Variants in SPAG16 observed in about 807,000 individuals in gnomAD.
The protein encoded by SPAG16 is sperm associated antigen 16.
Under a neutral mutation model 80.4 loss-of-function variants are expected in SPAG16, and 86 were observed. That is an observed-to-expected ratio of 1.07 (90% CI 0.90 to 1.28). The LOEUF is 1.28. Among genes scored for constraint, SPAG16 ranks in the 50% most tolerant of loss-of-function variants. The pLI, the probability that SPAG16 is intolerant of heterozygous loss-of-function variation, is 0.00. For missense variants in SPAG16, 870 were observed against 765.3 expected (o/e 1.14, Z -1.61); for synonymous variants, 294 against 265.9 (o/e 1.11, Z -1.03).
chr2:214,316,935 G>A lies in SPAG16; in HGVS notation c.1721-93205G>A, dbSNP rs1695739493. 2.0e-5 allele frequency among the ~76,000 whole-genome samples: 3 copies of A among 152,116 alleles called. No homozygotes were observed. The South Asian group carries it at 6.2e-4, about 32-fold the overall frequency. ...AATTTTGCCAGACCCTAGGCCCTTA[G>A]CACTGTGATCCAAATAAGTTAATAA... is the stretch of plus-strand genomic sequence containing the variant. On this transcript the variant is annotated intron_variant, in intron 15 of 15. Transcript: ENST00000331683.
At position 214,081,902 on chromosome 2, in the gene SPAG16, G is replaced by A. The variant is rs181074557; in HGVS notation, c.1528-26294G>A. Among the ~76,000 whole-genome samples the A allele has an allele frequency of 7.9e-4, 120 of 151,888 alleles. 2 individuals are homozygous for A. The highest frequency in any genetic ancestry group is 7.0e-3 in the Admixed American group (107 of 15,260). On this transcript the variant is annotated intron_variant, in intron 13 of 15. Coordinates refer to ENST00000331683, the MANE Select transcript of SPAG16 (RefSeq NM_024532.5). The stretch of plus-strand genomic sequence containing the variant: ...GAGAGGATTCAGGGAAAGAGGGTGG[G>A]GCAAATTGTGACCATCTCTGCCTAA...
chr2:213,913,700 T>G, intron 11 of SPAG16, among the ~76,000 whole-genome samples: 1 of 151,710 alleles, frequency 6.6e-6, no homozygotes, highest in Non-Finnish European at 1.5e-5. Flanking sequence ...CACATACATG[T>G]GTGTATGCAT....
chr2:213,961,473 C>G (rs922121377), intron 12 of SPAG16, among the ~76,000 whole-genome samples: 1 of 151,524 alleles, frequency 6.6e-6, no homozygotes, highest in Non-Finnish European at 1.5e-5. Flanking sequence ...TTGTCTTGCT[C>G]CTTATTTTAG....
At chr2:214,137,737 T>C (rs2055137246) in intron 14 of SPAG16, among the ~76,000 whole-genome samples, 1 of 152,130 alleles carries the variant, frequency 6.6e-6, no homozygotes, top group African/African-American at 2.4e-5. Flanking sequence ...CTTTAAGCAT[T>C]ATTTTCCTCA....
chr2:214,116,893 G>A (rs537934755), intron 14 of SPAG16, among the ~76,000 whole-genome samples: 4 of 152,284 alleles, frequency 2.6e-5, no homozygotes, highest in African/African-American at 9.6e-5. Flanking sequence ...GATAGGCACA[G>A]TAAAGCCAGA....
intron 15 of SPAG16, among the ~76,000 whole-genome samples, chr2:214,390,476 C>G (rs1393228733): frequency 6.6e-6 from 1 of 152,156 alleles, no homozygotes. Context: ...TCTTCTACAC[C>G]ACTCAGCTCC....
chr2:213,668,739 C>T (rs2063707704), intron 10 of SPAG16, among the ~76,000 whole-genome samples: 1 of 152,090 alleles, frequency 6.6e-6, no homozygotes, highest in African/African-American at 2.4e-5. Flanking sequence ...ACCTCCACCT[C>T]CCGGGTTCAA....
intron 10 of SPAG16, among the ~76,000 whole-genome samples, chr2:213,741,046 C>G (rs13026978): frequency 0.45 from 68,842 of 151,990 alleles, 17,053 homozygotes; most frequent in Non-Finnish European, 0.56. Context: ...AGTTATTCAA[C>G]TATTAATTTA....
intron 9 of SPAG16, among the ~76,000 whole-genome samples, chr2:213,421,520 G>C (rs2069587494): frequency 6.6e-6 from 1 of 152,216 alleles, no homozygotes; most frequent in Admixed American, 6.5e-5. Context: ...CCCTGGTGAA[G>C]CCCCACCTTC....
chr2:213,696,236 AT>A (rs754635672), intron 10 of SPAG16, among the ~76,000 whole-genome samples: 1 of 152,234 alleles, frequency 6.6e-6, no homozygotes, highest in Non-Finnish European at 1.5e-5. Context: ...AAAGAACAAT[AT>A]TTTTGAGATC....
At chr2:213,778,510 A>G (rs1046412699) in intron 10 of SPAG16, among the ~76,000 whole-genome samples, 29 of 151,808 alleles carry the variant, frequency 1.9e-4, no homozygotes, top group Admixed American at 2.0e-4. Flanking sequence ...TAGTGCTTTC[A>G]TCTCTATTAT....
chr2:213,413,609 A>T (rs2069105658), intron 9 of SPAG16, among the ~76,000 whole-genome samples: 2 of 152,178 alleles, frequency 1.3e-5, no homozygotes, highest in Non-Finnish European at 2.9e-5. Flanking sequence ...TTTAAAAGAT[A>T]TTACGAGCCA....
intron 9 of SPAG16, among the ~76,000 whole-genome samples, chr2:213,390,045 T>TCAG (rs1432290799): frequency 3.9e-5 from 6 of 152,204 alleles, no homozygotes; most frequent in African/African-American, 1.2e-4. Flanking sequence ...GGAATATTAT[T>TCAG]CAGCCTTAAA....
intron 10 of SPAG16, among the ~76,000 whole-genome samples, chr2:213,575,986 T>TA (rs1201418506): frequency 6.6e-6 from 1 of 152,092 alleles, no homozygotes; most frequent in African/African-American, 2.4e-5. Context: ...TGCTCAAAGT[T>TA]AAAAAAAGCA....
intron 15 of SPAG16, among the ~76,000 whole-genome samples, chr2:214,305,898 T>C (rs949013040): frequency 1.6e-4 from 25 of 152,108 alleles, no homozygotes; most frequent in Admixed American, 9.8e-4. Flanking sequence ...GTTTTTTTTT[T>C]CTAGTTCTTT....
chr2:214,261,743 T>G (rs1691196018), intron 15 of SPAG16, among the ~76,000 whole-genome samples: 1 of 152,202 alleles, frequency 6.6e-6, no homozygotes, highest in South Asian at 2.1e-4. Flanking sequence ...AAACGAAGTG[T>G]AAATATATGT....
At chr2:213,465,200 G>A (rs2072611347) in intron 9 of SPAG16, among the ~76,000 whole-genome samples, 1 of 152,166 alleles carries the variant, frequency 6.6e-6, no homozygotes, top group African/African-American at 2.4e-5. Flanking sequence ...TCCAGATCAT[G>A]GCATGGGCAT....
chr2:214,250,745 TATATATATATATAG>T (rs915407166), intron 15 of SPAG16, among the ~76,000 whole-genome samples: 42 of 86,216 alleles, frequency 4.9e-4, no homozygotes, highest in African/African-American at 1.3e-3. Context: ...TATATATATA[TATATATATATATAG>T]AGAGAGAGAG....
At chr2:213,749,873 G>A (rs775594891) in intron 10 of SPAG16, among the ~76,000 whole-genome samples, 1 of 152,016 alleles carries the variant, frequency 6.6e-6, no homozygotes, top group Non-Finnish European at 1.5e-5. Flanking sequence ...TACACTATAA[G>A]AGCCTATGTA....
Sources: gnomAD v4.1 joint callset for allele counts (sites outside exome capture counted in the v4.1 genomes callset) on GRCh38, gnomAD v4.1.1 for gene constraint, MANE v1.5 for transcripts, NCBI Gene and HGNC (gene_info 2026-07-23, HGNC 2026-07-21) for gene names.